The following LRRC37B variants were observed in gnomAD, a reference collection of about 807,000 sequenced individuals.
LRRC37B encodes the protein leucine rich repeat containing 37B.
In LRRC37B, 28 loss-of-function variants were observed where a neutral mutation model predicts 98.3. The ratio of observed to expected loss-of-function variants is 0.28; its 90% CI spans 0.21 to 0.39. LRRC37B has a LOEUF of 0.39. Among genes scored for constraint, LRRC37B ranks in the 10% least tolerant of loss-of-function variants. LRRC37B has a pLI of 1.00. For synonymous variants in LRRC37B, 364 were observed against 442.7 expected (o/e 0.82, Z 2.23); for missense variants, 938 against 1,182.7 (o/e 0.79, Z 3.03).
At chr17:32,007,490 G>A (rs1358226925), upstream of LRRC37B, among the ~76,000 whole-genome samples, 1 of 151,940 alleles carries the variant, frequency 6.6e-6, no homozygotes, top group Non-Finnish European at 1.5e-5. This position sits in a 1 kb window ranked among gnomAD's most constrained non-coding sequence, Gnocchi z 4.1. Context: ...TCCGCCGGCC[G>A]GGCCCCTCCC....
upstream of LRRC37B, chr17:32,017,071 G>C (rs1161435111): frequency 2.0e-5 from 3 of 152,196 alleles, no homozygotes; most frequent in Non-Finnish European, 4.4e-5. Context: ...TGTGTGGGCT[G>C]TTTACCTCTC....
intron 8 of LRRC37B, among the ~76,000 whole-genome samples, chr17:32,046,989 A>G (rs1472537752): frequency 6.6e-6 from 1 of 152,076 alleles, no homozygotes; most frequent in Non-Finnish European, 1.5e-5. Context: ...TAGGACCTCA[A>G]GTAATGTTTA....
chr17:32,026,522 G>A (rs547410645), intron 2 of LRRC37B, among the ~76,000 whole-genome samples: 112 of 152,254 alleles, frequency 7.4e-4, no homozygotes, highest in African/African-American at 2.7e-3. Context: ...TCCACCTCCC[G>A]GGTTCAAGGG....
chr17:32,024,160 GA>G (rs1350167796), intron 1 of LRRC37B, among the ~76,000 whole-genome samples: 6 of 151,760 alleles, frequency 4.0e-5, no homozygotes, highest in Non-Finnish European at 8.8e-5. Flanking sequence ...TGCCCAAAAG[GA>G]AAAGCTTATT....
chr17:32,036,427 A>G (rs1417718160), intron 7 of LRRC37B, among the ~76,000 whole-genome samples: 1 of 152,232 alleles, frequency 6.6e-6, no homozygotes, highest in Non-Finnish European at 1.5e-5. Flanking sequence ...TTTGGAAAAA[A>G]TAAAATATAT....
intron 6 of LRRC37B, among the ~76,000 whole-genome samples, 172 bp from the exon 10 acceptor site, chr17:32,035,393 C>G (rs1287166695): frequency 6.6e-6 from 1 of 152,044 alleles, no homozygotes; most frequent in East Asian, 1.9e-4. Context: ...CGTAGATCAA[C>G]TTAAATTTCT....
intron 7 of LRRC37B, among the ~76,000 whole-genome samples, chr17:32,045,047 G>A (rs1398106040): frequency 2.6e-5 from 4 of 151,934 alleles, no homozygotes; most frequent in Admixed American, 2.0e-4. Context: ...ATTGGTGGTT[G>A]CAAAGTGACA....
At chr17:32,047,529 G>A (rs1911621581) in intron 8 of LRRC37B, 1 of 574,860 alleles carries the variant, frequency 1.7e-6, no homozygotes, top group Non-Finnish European at 3.1e-6. Context: ...ATCCTAAGCA[G>A]AGTTACTCTA....
chr17:32,040,376 C>T (rs895629552), intron 7 of LRRC37B: 39 of 449,142 alleles, frequency 8.7e-5, no homozygotes, highest in African/African-American at 6.4e-4. Flanking sequence ...CAGAGGGTCA[C>T]GCACCTGGGA....
chr17:32,017,360 C>G (rs1335903909), upstream of LRRC37B: 3 of 152,222 alleles, frequency 2.0e-5, no homozygotes, highest in Admixed American at 1.3e-4. Flanking sequence ...TTCGACCCCC[C>G]ACCTGATGCC....
At chr17:32,029,459 G>T (rs1041625756) in intron 3 of LRRC37B, among the ~76,000 whole-genome samples, 62 of 152,234 alleles carry the variant, frequency 4.1e-4, no homozygotes, top group African/African-American at 1.4e-3. Context: ...AAGAAGAAAT[G>T]GATGTGGGCA....
upstream of LRRC37B, among the ~76,000 whole-genome samples, chr17:32,007,560 C>T (rs1910435862): frequency 6.6e-6 from 1 of 152,006 alleles, no homozygotes; most frequent in African/African-American, 2.4e-5. The surrounding 1 kb of genome is among the most constrained non-coding windows in gnomAD (Gnocchi z 4.1). Context: ...CCACTGCGCC[C>T]GGCCCTCCCC....
At chr17:32,019,104 T>C (rs755999035), upstream of LRRC37B, among the ~76,000 whole-genome samples, 6 of 152,146 alleles carry the variant, frequency 3.9e-5, no homozygotes, top group Non-Finnish European at 8.8e-5. Context: ...TTTTTGTATT[T>C]TTAGGAGAGA....
chr17:32,021,188 G>T, exon 1 of LRRC37B: 1 of 1,613,300 alleles, frequency 6.2e-7, no homozygotes, highest in East Asian at 2.2e-5. Context: ...CCCTCCTTAC[G>T]TGGCAACTAT....
intron 7 of LRRC37B, among the ~76,000 whole-genome samples, chr17:32,043,829 T>A (rs1356032568): frequency 6.6e-6 from 1 of 151,470 alleles, no homozygotes; most frequent in Admixed American, 6.6e-5. Context: ...TTCCACAGTC[T>A]TAATGTGGCC....
At chr17:32,020,433 G>A (rs113925921), upstream of LRRC37B, among the ~76,000 whole-genome samples, 1,289 of 152,170 alleles carry the variant, frequency 8.5e-3, 24 homozygotes, top group African/African-American at 0.029. Flanking sequence ...AGTTAAGGCA[G>A]GATGACAGTT....
chr17:32,017,494 T>C (rs949825213), upstream of LRRC37B, among the ~76,000 whole-genome samples: 3 of 152,190 alleles, frequency 2.0e-5, no homozygotes, highest in Non-Finnish European at 2.9e-5. Context: ...AGTTGATATT[T>C]CATACATACG....
Position 32,047,151 on chromosome 17 carries a change from G to A in LRRC37B, c.2324-610G>A, listed in dbSNP as rs548023357. ...TGGACACAGTGTTTTTTTCCATGTCGCATCTTCTGTGATGGGGCTATGATA... is the reference window on the plus strand; with the variant it reads ...TGGACACAGTGTTTTTTTCCATGTCACATCTTCTGTGATGGGGCTATGATA... On this transcript the variant is annotated intron_variant, in intron 8 of 11. Transcript: ENST00000327564. 294 of 157,806 alleles carry A rather than the reference G, an allele frequency of 1.9e-3. 2 individuals carry two copies. The highest frequency in any genetic ancestry group is 2.1e-3 in the Non-Finnish European group (147 of 70,604). 9.8% of individuals were successfully genotyped at this position (157,806 alleles called of 1,614,324 possible).
chr17:32,035,042 A>G (rs1911210281), intron 6 of LRRC37B, 61 bp downstream of exon 9: 1 of 1,229,238 alleles, frequency 8.1e-7, no homozygotes. Context: ...ATTTGTCATC[A>G]AAGATAAAGT....
Sources: allele counts gnomAD v4.1 joint callset (sites outside exome capture counted in the v4.1 genomes callset), GRCh38; gene constraint gnomAD v4.1.1; non-coding constraint Gnocchi (gnomAD v3.1); transcripts MANE v1.5; gene names NCBI Gene and HGNC (gene_info 2026-07-23, HGNC 2026-07-21).